Variants in COL18A1 observed in about 807,000 individuals in gnomAD.
COL18A1 encodes collagen type XVIII alpha 1 chain, also known as collagen alpha-1(XVIII) chain.
A neutral mutation model predicts 168.0 loss-of-function variants in COL18A1; 133 were observed. The ratio of observed to expected loss-of-function variants is 0.79; its 90% CI spans 0.69 to 0.91. COL18A1 has a LOEUF of 0.91. COL18A1 is among the 40% of genes least tolerant of loss of function. The probability of loss-of-function intolerance (pLI) is 0.00; values close to 1 mark genes in which losing one functional copy is unlikely to be tolerated. For synonymous variants in COL18A1, 949 were observed against 809.0 expected, an observed-to-expected ratio of 1.17 and a Z score of -2.94; for missense variants, 2,126 against 1,925.4, an observed-to-expected ratio of 1.10 and a Z score of -1.95.
At chr21:45,440,175 G>A (rs570639716) in intron 2 of COL18A1, among the ~76,000 whole-genome samples, 111 of 152,334 alleles carry the variant, frequency 7.3e-4, no homozygotes, top group Admixed American at 2.3e-3. Context: ...GTGGCTGTGT[G>A]ACTGCTCCGC....
intron 15 of COL18A1, among the ~76,000 whole-genome samples, chr21:45,483,899 GCACA>G (rs972460155): frequency 2.8e-4 from 35 of 125,440 alleles, no homozygotes; most frequent in Admixed American, 2.3e-3. Context: ...ATGTACACAT[GCACA>G]CACACACCTC....
chr21:45,476,562 TGTGTGTGATGTATGGTGTGTGTA>T, intron 6 of COL18A1, 82 bp downstream of exon 6: 1 of 1,485,998 alleles, frequency 6.7e-7, no homozygotes, highest in Non-Finnish European at 9.2e-7. Context: ...TGGTGAGGTA[TGTGTGTGATGTATGGTGTGTGTA>T]GTGTGTGGTG....
intron 4 of COL18A1, among the ~76,000 whole-genome samples, chr21:45,474,250 A>AGTGTGTGTGTGT (rs540917328): frequency 6.6e-6 from 1 of 151,058 alleles, no homozygotes; most frequent in African/African-American, 2.4e-5. Flanking sequence ...AGCTCAGCAA[A>AGTGTGTGTGTGT]GTGTGTGTGT....
intron 2 of COL18A1, among the ~76,000 whole-genome samples, chr21:45,430,772 C>T (rs1030500959): frequency 6.6e-6 from 1 of 152,204 alleles, no homozygotes; most frequent in Admixed American, 6.5e-5. Context: ...CCCCGGCCCT[C>T]AGCCCGCACT....
intron 15 of COL18A1, among the ~76,000 whole-genome samples, chr21:45,483,404 T>A (rs563900740): frequency 6.6e-6 from 1 of 152,248 alleles, no homozygotes; most frequent in South Asian, 2.1e-4. Flanking sequence ...GGACCCAGCC[T>A]TCCTTCGGGC....
At chr21:45,511,885 C>T (rs563492696) in intron 41 of COL18A1, among the ~76,000 whole-genome samples, 1 of 152,318 alleles carries the variant, frequency 6.6e-6, no homozygotes, top group East Asian at 1.9e-4. Context: ...GAGGCAGCCA[C>T]AGGAAGCCTC....
At chr21:45,506,073 T>C (rs989026458) in intron 37 of COL18A1, 107 bp downstream of exon 37, 17 of 1,542,860 alleles carry the variant, frequency 1.1e-5, no homozygotes, top group Non-Finnish European at 1.5e-5. Flanking sequence ...TGGGAGCAGG[T>C]GGCAGCCAGC....
Position 45,423,266 on chromosome 21 carries a change from C to T in COL18A1, c.106+17793C>T, listed in dbSNP as rs935723489. On this transcript the variant is annotated intron_variant, in intron 2 of 41. Coordinates refer to ENST00000651438, the MANE Select transcript of COL18A1 (RefSeq NM_001379500.1). The surrounding 1 kb of genome is among the most constrained non-coding windows in gnomAD (Gnocchi z 4.0). ...CTTGAGGGTTAGCTGGTCCAGTTCC[C>T]GCGTGTTGGCCGGTCTGGTCCCTGA... is the stretch of plus-strand genomic sequence containing the variant. 2.0e-5 allele frequency among the ~76,000 whole-genome samples: 3 copies of T among 152,130 alleles called. No individual in the cohort carries two copies. Among genetic ancestry groups the T allele is most frequent in the Non-Finnish European group, 2.9e-5 (2 of 68,032 alleles).
intron 2 of COL18A1, among the ~76,000 whole-genome samples, chr21:45,454,152 A>G (rs1042645792): frequency 6.6e-6 from 1 of 152,182 alleles, no homozygotes. Flanking sequence ...CCTCACTGAC[A>G]TGCAGATGTT....
chr21:45,475,876 C>A (rs1434427547), intron 5 of COL18A1, among the ~76,000 whole-genome samples: 1 of 150,956 alleles, frequency 6.6e-6, no homozygotes, highest in African/African-American at 2.5e-5. Context: ...AGGGAATGAA[C>A]GCGTGTGTGA....
intron 32 of COL18A1, 66 bp from the exon 33 acceptor site, chr21:45,503,945 C>A: frequency 6.3e-7 from 1 of 1,581,024 alleles, no homozygotes. Context: ...GTGCTGGGGG[C>A]TGCAGAGGGA....
In COL18A1 at chr21:45,494,043, G is replaced by T. The variant is rs543914002; in HGVS notation, c.2352+468G>T. ...CAGGCAGCCGCCCAGAAAAGCCCTC[G>T]GGGAGGGTCCTGGGGAGAAGCCTGG... On this transcript the variant is annotated intron_variant, in intron 26 of 41. Transcript: ENST00000651438. 2.1e-3 allele frequency: 546 copies of T among 259,140 alleles called. 2 individuals are homozygous for T. The highest frequency in any genetic ancestry group is 0.011 in the African/African-American group (508 of 45,136). The allele number at this position is 259,140 out of a possible 1,614,324, so 16.1% of individuals were successfully genotyped here. A position where few individuals can be genotyped will look rare whatever the true frequency, so the allele number is the denominator to read the frequency against.
intron 2 of COL18A1, among the ~76,000 whole-genome samples, chr21:45,415,109 C>G (rs533689477): frequency 3.3e-5 from 5 of 152,278 alleles, no homozygotes; most frequent in African/African-American, 1.2e-4. Context: ...ACTGACTTGT[C>G]CCAGCAGCCA....
rs1230407213 is a variant in COL18A1 at position 45,486,943 on chromosome 21, G to GC, written c.1790dup (p.Gly598TrpfsTer15). ...GCCCCCGGACCTGCTGGACCACCAG[G>GC]CCCCCCTGGGCCCCCTGGGCCCCCA... On this transcript the variant is annotated frameshift_variant, in exon 16 of 42. Coordinates refer to ENST00000651438, the MANE Select transcript of COL18A1 (RefSeq NM_001379500.1). LOFTEE classifies it high-confidence loss of function. The GC allele has an allele frequency of 2.7e-6, 4 of 1,491,510 alleles. No homozygotes were observed. Among genetic ancestry groups the GC allele is most frequent in the Non-Finnish European group, 3.6e-6 (4 of 1,121,612 alleles). The allele number at this position is 1,491,510 out of a possible 1,614,324, so 92.4% of individuals were successfully genotyped here. A position where few individuals can be genotyped will look rare whatever the true frequency, so the allele number is the denominator to read the frequency against.
At chr21:45,482,172 G>T (rs1433249562) in intron 14 of COL18A1, 147 bp downstream of exon 14, 4 of 678,118 alleles carry the variant, frequency 5.9e-6, no homozygotes, top group South Asian at 1.7e-5. Context: ...TCGCGCTCTG[G>T]AGGTCACCCT....
chr21:45,509,452 T>C lies in COL18A1; in HGVS notation c.3346T>C (p.Trp1116Arg). ...REHPHPTARP[W>R]RADDILASPP... Reference sequence around the variant, plus strand: ...GCACCCCCACCCCACCGCGCGGCCCTGGCGGGCAGATGACATCCTGGCCAG... The same window carrying C: ...GCACCCCCACCCCACCGCGCGGCCCCGGCGGGCAGATGACATCCTGGCCAG... The change falls in exon 39 of 42, where the codon TGG becomes CGG. Residue 1116 changes from tryptophan (W) to arginine (R), a missense_variant. Trp to Arg is a moderately radical substitution (Grantham distance 101). Coordinates refer to ENST00000651438, the MANE Select transcript of COL18A1 (RefSeq NM_001379500.1). The C allele has an allele frequency of 1.3e-6, 2 of 1,532,848 alleles. No individual in the cohort carries two copies. The highest frequency in any genetic ancestry group is 1.8e-6 in the Non-Finnish European group (2 of 1,141,578). 95.0% of individuals were successfully genotyped at this position (1,532,848 alleles called of 1,614,324 possible). A position where few individuals can be genotyped will look rare whatever the true frequency, so the allele number is the denominator to read the frequency against.
chr21:45,480,580 G>A, intron 12 of COL18A1, 60 bp downstream of exon 12: 4 of 1,613,860 alleles, frequency 2.5e-6, no homozygotes, highest in Non-Finnish European at 3.4e-6. Flanking sequence ...AACAGGCCAT[G>A]GACCCCCAAG....
chr21:45,418,816 C>T (rs1359682718), intron 2 of COL18A1, among the ~76,000 whole-genome samples: 2 of 140,642 alleles, frequency 1.4e-5, no homozygotes, highest in African/African-American at 5.4e-5. Flanking sequence ...CCACCCCGAC[C>T]TCCTGTGCCT....
intron 15 of COL18A1, among the ~76,000 whole-genome samples, chr21:45,485,069 G>C (rs776036799): frequency 6.7e-6 from 1 of 150,026 alleles, no homozygotes; most frequent in Non-Finnish European, 1.5e-5. Flanking sequence ...TGCAATCTCT[G>C]CCTCCCGGTT....
Sources: allele counts gnomAD v4.1 joint callset (sites outside exome capture counted in the v4.1 genomes callset), GRCh38; gene constraint gnomAD v4.1.1; non-coding constraint Gnocchi (gnomAD v3.1); transcripts MANE v1.5; gene names NCBI Gene and HGNC (gene_info 2026-07-23, HGNC 2026-07-21).